The following DNAJC5B variants were observed in gnomAD, a reference collection of about 807,000 sequenced individuals.
DNAJC5B encodes the protein dnaJ homolog subfamily C member 5B.
Under a neutral mutation model 24.7 loss-of-function variants are expected in DNAJC5B, and 23 were observed. The observed-to-expected ratio is 0.93, with a 90% CI of 0.67 to 1.32. The LOEUF is 1.32. Among genes scored for constraint, DNAJC5B ranks in the 40% most tolerant of loss-of-function variants. DNAJC5B has a pLI of 0.00. For missense variants in DNAJC5B, 238 were observed against 240.8 expected (o/e 0.99, Z 0.08); for synonymous variants, 101 against 90.1 (o/e 1.12, Z -0.68).
chr8:66,065,861 C>T (rs75645058), intron 3 of DNAJC5B, among the ~76,000 whole-genome samples: 6,505 of 151,994 alleles, frequency 0.043, 466 homozygotes, highest in African/African-American at 0.15. Flanking sequence ...GAGGGGCTTA[C>T]GGGTCTAGTT....
At chr8:66,054,080 T>C (rs1806912631) in intron 3 of DNAJC5B, among the ~76,000 whole-genome samples, 1 of 152,104 alleles carries the variant, frequency 6.6e-6, no homozygotes, top group Non-Finnish European at 1.5e-5. Context: ...TAAGTTCTTT[T>C]ACTTATTCCT....
chr8:66,051,388 A>G, intron 2 of DNAJC5B, 143 bp from the exon 3 acceptor site: 1 of 611,224 alleles, frequency 1.6e-6, no homozygotes, highest in East Asian at 2.8e-5. Context: ...GGCTCTCCTA[A>G]CCCTTTTCTC....
intron 2 of DNAJC5B, among the ~76,000 whole-genome samples, chr8:66,051,129 A>G (rs1385201597): frequency 6.6e-6 from 1 of 152,238 alleles, no homozygotes; most frequent in East Asian, 1.9e-4. Context: ...TGCTTGTCCC[A>G]TATCCACCAC....
At chr8:66,038,589 A>T (rs1231045495) in intron 1 of DNAJC5B, among the ~76,000 whole-genome samples, 2 of 152,210 alleles carry the variant, frequency 1.3e-5, no homozygotes, top group African/African-American at 4.8e-5. Context: ...ACAAAATAAA[A>T]TTCAGTTTAA....
At chr8:66,040,929 A>G (rs1389257523) in intron 1 of DNAJC5B, among the ~76,000 whole-genome samples, 2 of 152,212 alleles carry the variant, frequency 1.3e-5, no homozygotes, top group Non-Finnish European at 2.9e-5. Flanking sequence ...AAAATGATAA[A>G]ACATAATAGG....
At chr8:66,042,370 G>A (rs1255980588) in intron 1 of DNAJC5B, among the ~76,000 whole-genome samples, 2 of 152,158 alleles carry the variant, frequency 1.3e-5, no homozygotes, top group East Asian at 3.9e-4. Context: ...AATGGTTAAG[G>A]AGAGTGATTC....
At chr8:66,051,803 C>A in intron 3 of DNAJC5B, 137 bp downstream of exon 3, 3 of 674,460 alleles carry the variant, frequency 4.4e-6, no homozygotes, top group Non-Finnish European at 7.8e-6. Flanking sequence ...TGCTCTACAA[C>A]ATAGGAGTTA....
chr8:66,038,111 A>T (rs567784433), intron 1 of DNAJC5B, among the ~76,000 whole-genome samples: 2 of 152,346 alleles, frequency 1.3e-5, no homozygotes, highest in African/African-American at 4.8e-5. Flanking sequence ...ATCAAAAAGG[A>T]TATAATTGGT....
intron 3 of DNAJC5B, among the ~76,000 whole-genome samples, chr8:66,060,001 C>T (rs1310182514): frequency 1.3e-5 from 2 of 152,236 alleles, no homozygotes; most frequent in Admixed American, 6.5e-5. Context: ...GCCTGCTGGG[C>T]TGTACCTCTG....
chr8:66,032,573 G>T (rs1283411453), intron 1 of DNAJC5B, among the ~76,000 whole-genome samples: 1 of 152,160 alleles, frequency 6.6e-6, no homozygotes, highest in African/African-American at 2.4e-5. Flanking sequence ...CTTTTAAACT[G>T]CTGTCCTCAG....
At chr8:66,036,462 A>G (rs1340634443) in intron 1 of DNAJC5B, among the ~76,000 whole-genome samples, 1 of 151,886 alleles carries the variant, frequency 6.6e-6, no homozygotes, top group Non-Finnish European at 1.5e-5. Flanking sequence ...CTATTGCAAA[A>G]CTCTAGTTTC....
At chr8:66,045,107 C>A (rs1414581900) in intron 2 of DNAJC5B, among the ~76,000 whole-genome samples, 1 of 152,110 alleles carries the variant, frequency 6.6e-6, no homozygotes, top group Non-Finnish European at 1.5e-5. Flanking sequence ...TCTAGCTTAA[C>A]AAGGAGGCAG....
At position 66,100,547 on chromosome 8, in the gene DNAJC5B, C is replaced by G. The variant is rs1808053709; in HGVS notation, c.*516C>G. ...AGAAAGGGATGATTTTTTTTTAAATCACATTTTTAAGGTATATTTTTGGAA... is the reference window on the plus strand; with the variant it reads ...AGAAAGGGATGATTTTTTTTTAAATGACATTTTTAAGGTATATTTTTGGAA... On this transcript the variant is annotated 3_prime_UTR_variant, in exon 6 of 6. Transcript: ENST00000276570. 1 of 151,846 alleles carries G rather than the reference C, an allele frequency of 6.6e-6. No homozygotes were observed. Among genetic ancestry groups the G allele is most frequent in the South Asian group, 2.1e-4 (1 of 4,804 alleles). 9.4% of individuals were successfully genotyped at this position (151,846 alleles called of 1,614,324 possible).
upstream of DNAJC5B, among the ~76,000 whole-genome samples, chr8:66,020,222 A>C (rs1415610127): frequency 6.6e-6 from 1 of 152,194 alleles, no homozygotes; most frequent in East Asian, 1.9e-4. Context: ...CTAAGCTATA[A>C]TTTTCTCATC....
chr8:66,087,036 G>A (rs1807741744), intron 5 of DNAJC5B, among the ~76,000 whole-genome samples: 1 of 152,092 alleles, frequency 6.6e-6, no homozygotes. Flanking sequence ...TTTGAATTCA[G>A]TTACTGTATT....
chr8:66,032,390 C>T (rs1806378432), intron 1 of DNAJC5B, among the ~76,000 whole-genome samples: 1 of 152,244 alleles, frequency 6.6e-6, no homozygotes. Flanking sequence ...AGATGACCCA[C>T]AGAGCATGAA....
chr8:66,049,393 G>A (rs764543682), intron 2 of DNAJC5B, among the ~76,000 whole-genome samples: 9 of 152,196 alleles, frequency 5.9e-5, no homozygotes, highest in Non-Finnish European at 1.2e-4. Flanking sequence ...TGTGGCAAGT[G>A]CTCCATATAG....
At chr8:66,049,509 T>C (rs1806798879) in intron 2 of DNAJC5B, among the ~76,000 whole-genome samples, 1 of 152,156 alleles carries the variant, frequency 6.6e-6, no homozygotes, top group Non-Finnish European at 1.5e-5. Context: ...ACTGTACAGG[T>C]TTGTAGTCTA....
intron 1 of DNAJC5B, among the ~76,000 whole-genome samples, chr8:66,035,617 C>A (rs181546618): frequency 6.6e-6 from 1 of 152,310 alleles, no homozygotes; most frequent in East Asian, 1.9e-4. Flanking sequence ...AGACATGGAA[C>A]CAACTCCCCT....
Sources: gnomAD v4.1 joint callset for allele counts (sites outside exome capture counted in the v4.1 genomes callset) on GRCh38, gnomAD v4.1.1 for gene constraint, MANE v1.5 for transcripts, NCBI Gene and HGNC (gene_info 2026-07-23, HGNC 2026-07-21) for gene names.